Variants in EBF2 observed in about 807,000 individuals in gnomAD.
The protein encoded by EBF2 is EBF transcription factor 2, also known as transcription factor COE2.
In EBF2, 21 loss-of-function variants were observed where a neutral mutation model predicts 72.8. That is an observed-to-expected ratio of 0.29 (90% CI 0.20 to 0.42). The LOEUF is 0.42. EBF2 is among the 10% of genes least tolerant of loss of function. EBF2 has a pLI of 1.00. For synonymous variants in EBF2, 299 were observed against 274.2 expected, an observed-to-expected ratio of 1.09 and a Z score of -0.89; for missense variants, 637 against 731.2, an observed-to-expected ratio of 0.87 and a Z score of 1.49.
intron 7 of EBF2, among the ~76,000 whole-genome samples, chr8:25,898,180 C>T (rs369065312): frequency 1.6e-4 from 25 of 152,232 alleles, no homozygotes; most frequent in African/African-American, 3.4e-4. Context: ...AGGGGCCCAA[C>T]GCTGGGAAGA....
At position 25,887,564 on chromosome 8, in the gene EBF2, A is replaced by C. The variant is rs116503589; in HGVS notation, c.882+278T>G. Among the ~76,000 whole-genome samples, 939 of 152,150 alleles carry C rather than the reference A, an allele frequency of 6.2e-3. 12 individuals carry two copies. The highest frequency in any genetic ancestry group is 0.021 in the African/African-American group (892 of 41,502). Reference sequence around the variant, plus strand: ...TGTTGTCCTTGTTTTTTTTCTGCTTAGTATTACAGTGTGAGCATATCCTTT... The same window carrying C: ...TGTTGTCCTTGTTTTTTTTCTGCTTCGTATTACAGTGTGAGCATATCCTTT... On this transcript the variant is annotated intron_variant, in intron 9 of 15. Coordinates refer to ENST00000520164, the MANE Select transcript of EBF2 (RefSeq NM_022659.4).
intron 14 of EBF2, among the ~76,000 whole-genome samples, chr8:25,851,018 T>A (rs554605200): frequency 6.6e-6 from 1 of 152,138 alleles, no homozygotes; most frequent in African/African-American, 2.4e-5. Context: ...AAAGGGCACT[T>A]GTGCTTGGGA....
At chr8:25,958,807 G>C (rs1161624574) in intron 6 of EBF2, among the ~76,000 whole-genome samples, 2 of 152,184 alleles carry the variant, frequency 1.3e-5, no homozygotes, top group Non-Finnish European at 2.9e-5. Flanking sequence ...TAAGGCCCAG[G>C]AGAACTTTTC....
At chr8:25,895,331 G>T (rs570398849) in intron 7 of EBF2, among the ~76,000 whole-genome samples, 1 of 152,280 alleles carries the variant, frequency 6.6e-6, no homozygotes, top group Middle Eastern at 3.4e-3. Flanking sequence ...CTAAATAAAA[G>T]TGGTTTTCGC....
chr8:25,894,537 C>A (rs180829201), intron 7 of EBF2, among the ~76,000 whole-genome samples: 1 of 152,170 alleles, frequency 6.6e-6, no homozygotes, highest in Non-Finnish European at 1.5e-5. Flanking sequence ...TCCTGAAACA[C>A]CTCACTCCAT....
chr8:25,988,475 G>A (rs910954782), intron 6 of EBF2, among the ~76,000 whole-genome samples: 5 of 152,186 alleles, frequency 3.3e-5, no homozygotes, highest in African/African-American at 1.2e-4. Context: ...TATCTCTGGG[G>A]TGTTACCACA....
chr8:26,042,432 G>A lies in EBF2; in HGVS notation c.132-181C>T, dbSNP rs193084525. Reference sequence around the variant, plus strand: ...GAGGAGACTCCTTAAAGGAGTCACCGTGGCCACGGGGGTTGGGTGGCAGGG... The same window carrying A: ...GAGGAGACTCCTTAAAGGAGTCACCATGGCCACGGGGGTTGGGTGGCAGGG... On this transcript the variant is annotated intron_variant, in intron 1 of 15. Transcript: ENST00000520164. Among the ~76,000 whole-genome samples the A allele has an allele frequency of 5.9e-5, 9 of 152,250 alleles. No individual in the cohort carries two copies. In the East Asian group the frequency reaches 1.6e-3, roughly 26 times the overall value.
At chr8:25,954,953 T>TG (rs1267419121) in intron 6 of EBF2, among the ~76,000 whole-genome samples, 1 of 152,210 alleles carries the variant, frequency 6.6e-6, no homozygotes, top group East Asian at 1.9e-4. Flanking sequence ...GCTAGGGACC[T>TG]GGGGTCTGTG....
At chr8:25,953,440 G>A (rs531411556) in intron 6 of EBF2, among the ~76,000 whole-genome samples, 4 of 152,338 alleles carry the variant, frequency 2.6e-5, no homozygotes, top group Non-Finnish European at 1.5e-5. Context: ...GAGAGAATAA[G>A]CTCCTCCTCA....
At chr8:25,908,605 G>T in intron 6 of EBF2, 50 bp from the exon 7 acceptor site, 1 of 1,224,538 alleles carries the variant, frequency 8.2e-7, no homozygotes, top group Non-Finnish European at 1.2e-6. Flanking sequence ...ATTTTTAAAG[G>T]GAGAATATAG....
chr8:25,955,067 G>A (rs908277560), intron 6 of EBF2, among the ~76,000 whole-genome samples: 3 of 152,200 alleles, frequency 2.0e-5, no homozygotes, highest in Non-Finnish European at 2.9e-5. Flanking sequence ...GGAGGGCACG[G>A]AGCGCATCCC....
chr8:25,858,654 T>C, intron 13 of EBF2, 150 bp from the exon 14 acceptor site: 7 of 231,828 alleles, frequency 3.0e-5, no homozygotes, highest in Non-Finnish European at 3.0e-5. Context: ...TCTTTAGCTT[T>C]TTTTTTTTTT....
chr8:26,033,800 A>G (rs945323140), intron 5 of EBF2, among the ~76,000 whole-genome samples: 2 of 152,194 alleles, frequency 1.3e-5, no homozygotes, highest in South Asian at 2.1e-4. Flanking sequence ...CTTCCCAACT[A>G]TAAGCTACTT....
intron 10 of EBF2, among the ~76,000 whole-genome samples, chr8:25,878,201 G>C (rs915272001): frequency 6.6e-6 from 1 of 152,178 alleles, no homozygotes; most frequent in Non-Finnish European, 1.5e-5. Context: ...TAGGTTTCAA[G>C]TTTTGCCTTT....
chr8:25,981,524 G>T (rs1000896962), intron 6 of EBF2, among the ~76,000 whole-genome samples: 2 of 152,096 alleles, frequency 1.3e-5, no homozygotes, highest in Non-Finnish European at 2.9e-5. Context: ...CCTGTGGAAG[G>T]CCCGATGTGG....
chr8:25,973,062 T>C (rs1208508275), intron 6 of EBF2, among the ~76,000 whole-genome samples: 2 of 151,332 alleles, frequency 1.3e-5, no homozygotes, highest in African/African-American at 2.4e-5. Context: ...TCCTTTTTCA[T>C]TGAGTTTCCA....
At chr8:25,993,086 T>C (rs1804571258) in intron 6 of EBF2, among the ~76,000 whole-genome samples, 1 of 151,924 alleles carries the variant, frequency 6.6e-6, no homozygotes, top group Non-Finnish European at 1.5e-5. Flanking sequence ...AGGCTCTCAA[T>C]ACACTGGGAA....
chr8:25,903,276 C>T (rs574371388), intron 7 of EBF2, among the ~76,000 whole-genome samples: 1 of 151,406 alleles, frequency 6.6e-6, no homozygotes, highest in South Asian at 2.1e-4. Context: ...TCAAGTTGTC[C>T]TCCTGCCTCT....
Position 25,981,793 on chromosome 8 carries a change from T to TAAA in EBF2, c.551+51289_551+51291dup, listed in dbSNP as rs11422902. On this transcript the variant is annotated intron_variant, in intron 6 of 15. Transcript: ENST00000520164. ...CCTGGGTGAGATTGAGACTCCATCT[T>TAAA]AAAAAAAAAAAAAAAAATCTGTGTA... Among the ~76,000 whole-genome samples, 62 of 140,206 alleles carry TAAA rather than the reference T, an allele frequency of 4.4e-4. 1 individual carries two copies. Among genetic ancestry groups the TAAA allele is most frequent in the African/African-American group, 1.3e-3 (50 of 37,628 alleles). 92.0% of individuals were successfully genotyped at this position (140,206 alleles called of 152,430 possible).
Sources: allele counts gnomAD v4.1 joint callset (sites outside exome capture counted in the v4.1 genomes callset), GRCh38; gene constraint gnomAD v4.1.1; transcripts MANE v1.5; gene names NCBI Gene and HGNC (gene_info 2026-07-23, HGNC 2026-07-21).